DYNC1I1: variants seen among roughly 807,000 people sequenced by gnomAD.
DYNC1I1 encodes cytoplasmic dynein 1 intermediate chain 1.
A neutral mutation model predicts 86.6 loss-of-function variants in DYNC1I1; 43 were observed. That is an observed-to-expected ratio of 0.50 (90% CI 0.39 to 0.64). DYNC1I1 has a LOEUF of 0.64. Among genes scored for constraint, DYNC1I1 ranks in the 30% least tolerant of loss-of-function variants. DYNC1I1 has a pLI of 0.00. For missense variants in DYNC1I1, 604 were observed against 788.8 expected (o/e 0.77, Z 2.81); for synonymous variants, 262 against 283.7 (o/e 0.92, Z 0.77).
At chr7:95,953,446 T>G (rs895193384) in intron 6 of DYNC1I1, among the ~76,000 whole-genome samples, 1 of 152,072 alleles carries the variant, frequency 6.6e-6, no homozygotes, top group Admixed American at 6.6e-5. Flanking sequence ...AAATGAAACG[T>G]GTTTGGATTT....
intron 1 of DYNC1I1, among the ~76,000 whole-genome samples, chr7:95,800,809 G>T (rs977781454): frequency 2.6e-5 from 4 of 152,238 alleles, no homozygotes; most frequent in Non-Finnish European, 5.9e-5. Flanking sequence ...TATTTTCTTA[G>T]ACTGAGAGCA....
At chr7:95,837,164 G>C (rs1156470155) in intron 5 of DYNC1I1, among the ~76,000 whole-genome samples, 4 of 149,096 alleles carry the variant, frequency 2.7e-5, no homozygotes, top group African/African-American at 7.3e-5. Flanking sequence ...TGTCCTTTCT[G>C]TTTGTTAGTT....
At chr7:96,025,842 G>C (rs919855416) in intron 10 of DYNC1I1, among the ~76,000 whole-genome samples, 2 of 89,220 alleles carry the variant, frequency 2.2e-5, no homozygotes, top group African/African-American at 1.0e-4. Flanking sequence ...CAAGCTTGCG[G>C]GGGGGGGATA....
chr7:96,004,983 T>A (rs1390256253), intron 10 of DYNC1I1, among the ~76,000 whole-genome samples: 1 of 152,242 alleles, frequency 6.6e-6, no homozygotes, highest in Non-Finnish European at 1.5e-5. Context: ...TGGTATGTGA[T>A]GTGTTGATTT....
At chr7:95,883,518 C>A (rs182346846) in intron 6 of DYNC1I1, among the ~76,000 whole-genome samples, 1 of 152,038 alleles carries the variant, frequency 6.6e-6, no homozygotes, top group Admixed American at 6.6e-5. Context: ...AGGTAGTTTC[C>A]GTGGAATGAC....
intron 6 of DYNC1I1, among the ~76,000 whole-genome samples, chr7:95,975,747 C>A (rs1056403951): frequency 1.4e-4 from 21 of 152,120 alleles, no homozygotes; most frequent in African/African-American, 5.1e-4. Context: ...GGCATGGCTG[C>A]TGAATCTGTT....
intron 1 of DYNC1I1, among the ~76,000 whole-genome samples, chr7:95,776,546 A>G (rs1793845097): frequency 6.6e-6 from 1 of 152,218 alleles, no homozygotes; most frequent in Admixed American, 6.5e-5. Flanking sequence ...GCTAACTAAA[A>G]ATACAGGAAG....
chr7:96,026,827 C>T (rs1794693847), intron 10 of DYNC1I1, among the ~76,000 whole-genome samples: 1 of 152,124 alleles, frequency 6.6e-6, no homozygotes. Context: ...CCTCCTCTCC[C>T]CCTCCCTAAC....
At chr7:95,858,827 T>G (rs1789795961) in intron 5 of DYNC1I1, among the ~76,000 whole-genome samples, 1 of 150,462 alleles carries the variant, frequency 6.6e-6, no homozygotes, top group African/African-American at 2.4e-5. Flanking sequence ...ATTTACCCTT[T>G]AATTCTATTC....
chr7:95,918,939 C>T (rs927748824), intron 6 of DYNC1I1, among the ~76,000 whole-genome samples: 2 of 152,110 alleles, frequency 1.3e-5, no homozygotes, highest in Admixed American at 6.5e-5. Context: ...GTGAGATCTT[C>T]TTAAAAGAGT....
chr7:96,068,027 C>G (rs978114690), intron 14 of DYNC1I1, among the ~76,000 whole-genome samples: 29 of 152,082 alleles, frequency 1.9e-4, no homozygotes, highest in African/African-American at 6.5e-4. Flanking sequence ...ATCTTTATCC[C>G]CAAAGTAGCT....
At chr7:96,061,705 C>G (rs1425521727) in intron 14 of DYNC1I1, among the ~76,000 whole-genome samples, 1 of 134,204 alleles carries the variant, frequency 7.5e-6, no homozygotes, top group Non-Finnish European at 1.5e-5. Flanking sequence ...CTCTCTCTCT[C>G]TCTCTCTCAC....
At chr7:96,034,231 G>C (rs1369895895) in intron 12 of DYNC1I1, among the ~76,000 whole-genome samples, 1 of 152,056 alleles carries the variant, frequency 6.6e-6, no homozygotes, top group Non-Finnish European at 1.5e-5. Flanking sequence ...TAACATTATA[G>C]AGGGCTGGAG....
chr7:96,021,598 T>G (rs1794552898), intron 10 of DYNC1I1, among the ~76,000 whole-genome samples: 1 of 152,176 alleles, frequency 6.6e-6, no homozygotes, highest in African/African-American at 2.4e-5. Flanking sequence ...GTTGGACAAT[T>G]AGCATTGTCT....
intron 16 of DYNC1I1, among the ~76,000 whole-genome samples, chr7:96,105,032 T>G (rs1454767627): frequency 6.9e-6 from 1 of 145,332 alleles, no homozygotes; most frequent in African/African-American, 2.6e-5. Flanking sequence ...CAATAGGTTG[T>G]GCAAACATTT....
At chr7:96,039,191 G>C (rs954028888) in intron 13 of DYNC1I1, 86 bp from the exon 14 acceptor site, 2 of 1,451,782 alleles carry the variant, frequency 1.4e-6, no homozygotes, top group African/African-American at 2.9e-5. Flanking sequence ...ATGCAGAGTT[G>C]AGGGTTTTTT....
intron 16 of DYNC1I1, among the ~76,000 whole-genome samples, chr7:96,087,110 T>A (rs1354529724): frequency 6.6e-6 from 1 of 152,064 alleles, no homozygotes; most frequent in Non-Finnish European, 1.5e-5. Flanking sequence ...ACTTAGGCAA[T>A]AATAGTGTAC....
chr7:95,881,133 G>A (rs1391618990), intron 6 of DYNC1I1, among the ~76,000 whole-genome samples: 1 of 152,156 alleles, frequency 6.6e-6, no homozygotes, highest in Non-Finnish European at 1.5e-5. Context: ...AGTAACTTAG[G>A]CAGAAGGGAG....
At chr7:96,089,489 A>T (rs943291281) in intron 16 of DYNC1I1, among the ~76,000 whole-genome samples, 4 of 152,258 alleles carry the variant, frequency 2.6e-5, no homozygotes, top group Admixed American at 2.6e-4. Context: ...CAGGAAAAAA[A>T]TTACTTAACT....
Sources: gnomAD v4.1 joint callset for allele counts (sites outside exome capture counted in the v4.1 genomes callset) on GRCh38, gnomAD v4.1.1 for gene constraint, MANE v1.5 for transcripts, NCBI Gene and HGNC (gene_info 2026-07-23, HGNC 2026-07-21) for gene names.